ADAMTS9: variants seen among roughly 807,000 people sequenced by gnomAD.
ADAMTS9 encodes ADAM metallopeptidase with thrombospondin type 1 motif 9, also known as A disintegrin and metalloproteinase with thrombospondin motifs 9.
ADAMTS9 carries 107 observed loss-of-function variants against 257.1 expected under a neutral mutation model. The ratio of observed to expected loss-of-function variants is 0.42; its 90% confidence interval spans 0.36 to 0.49. The LOEUF (loss-of-function observed/expected upper bound fraction) is 0.49. Among genes scored for constraint, ADAMTS9 ranks in the 20% least tolerant of loss-of-function variants. ADAMTS9 has a pLI of 0.03. For missense variants in ADAMTS9, 2,353 were observed against 2,469.1 expected (o/e 0.95, Z 1.00); for synonymous variants, 982 against 880.9 (o/e 1.11, Z -2.03).
chr3:64,581,377 A>C (rs577225089), intron 28 of ADAMTS9, among the ~76,000 whole-genome samples: 8 of 152,192 alleles, frequency 5.3e-5, no homozygotes, highest in Non-Finnish European at 1.2e-4. Flanking sequence ...TTTCATTTAA[A>C]ATTTTAATCT....
chr3:64,687,753 G>A lies in ADAMTS9; in HGVS notation c.-96C>T, dbSNP rs1043506333. 9 of 947,448 alleles carry A rather than the reference G, an allele frequency of 9.5e-6. No individual in the cohort carries two copies. The highest frequency in any genetic ancestry group is 1.3e-5 in the Non-Finnish European group (9 of 676,480). The allele number at this position is 947,448 out of a possible 1,614,324, so 58.7% of individuals were successfully genotyped here. A position where few individuals can be genotyped will look rare whatever the true frequency, so the allele number is the denominator to read the frequency against. On this transcript the variant is annotated 5_prime_UTR_variant, in exon 1 of 40. Coordinates refer to ENST00000498707, the MANE Select transcript of ADAMTS9 (RefSeq NM_182920.2). This position sits in a 1 kb window ranked among gnomAD's most constrained non-coding sequence, Gnocchi z 4.4. ...GCGAGGCAGCGGCCGTGGAGAGCGC[G>A]CGGAGCCCGGCGCCCGCCGCCAACT... is the stretch of plus-strand genomic sequence containing the variant.
At chr3:64,536,849 A>C (rs2083056879) in intron 37 of ADAMTS9, among the ~76,000 whole-genome samples, 1 of 152,220 alleles carries the variant, frequency 6.6e-6, no homozygotes, top group African/African-American at 2.4e-5. Flanking sequence ...GTTATGTTTC[A>C]AGATGAGGGC....
At chr3:64,565,430 T>G (rs893471212) in intron 29 of ADAMTS9, 9 of 152,194 alleles carry the variant, frequency 5.9e-5, no homozygotes, top group Non-Finnish European at 1.2e-4. Flanking sequence ...CAAGGGCTGT[T>G]AAGGAAATCA....
intron 16 of ADAMTS9, among the ~76,000 whole-genome samples, chr3:64,628,065 C>T (rs1217198668): frequency 6.6e-6 from 1 of 152,134 alleles, no homozygotes; most frequent in Non-Finnish European, 1.5e-5. Context: ...CTGTGACTTG[C>T]AATGTAGGCT....
chr3:64,597,315 C>T (rs1204709595), intron 26 of ADAMTS9, among the ~76,000 whole-genome samples: 1 of 152,182 alleles, frequency 6.6e-6, no homozygotes, highest in Non-Finnish European at 1.5e-5. Flanking sequence ...CTAAGAGGTA[C>T]AGAGGTGTTG....
chr3:64,629,455 C>A (rs1700312251), intron 16 of ADAMTS9, among the ~76,000 whole-genome samples: 1 of 152,194 alleles, frequency 6.6e-6, no homozygotes, highest in South Asian at 2.1e-4. Flanking sequence ...AGCCATACTG[C>A]CTCCGTCTTC....
chr3:64,653,595 C>T (rs73124241), intron 8 of ADAMTS9, among the ~76,000 whole-genome samples: 28,043 of 152,006 alleles, frequency 0.18, 3,571 homozygotes, highest in East Asian at 0.54. Context: ...AGTAAAGTTA[C>T]CATCTGCCAC....
At chr3:64,641,430 A>G (rs1193197820) in intron 12 of ADAMTS9, among the ~76,000 whole-genome samples, 1 of 148,766 alleles carries the variant, frequency 6.7e-6, no homozygotes, top group Non-Finnish European at 1.5e-5. Context: ...TTAACTCGTC[A>G]TTTAGCATTA....
chr3:64,615,888 A>G, intron 20 of ADAMTS9, 72 bp downstream of exon 20: 1 of 1,570,196 alleles, frequency 6.4e-7, no homozygotes. Flanking sequence ...TGGGGCTTAC[A>G]CACCTGCAAG....
chr3:64,683,965 A>G (rs1701825736), intron 2 of ADAMTS9, among the ~76,000 whole-genome samples: 1 of 152,150 alleles, frequency 6.6e-6, no homozygotes, highest in Non-Finnish European at 1.5e-5. Context: ...CTTCTGGGAA[A>G]GAAGAGATAT....
intron 20 of ADAMTS9, 111 bp from the exon 21 acceptor site, chr3:64,615,596 G>T: frequency 8.9e-7 from 1 of 1,121,452 alleles, no homozygotes; most frequent in Non-Finnish European, 1.2e-6. Flanking sequence ...ACACAAGCTG[G>T]CCAACTCTAG....
intron 28 of ADAMTS9, among the ~76,000 whole-genome samples, chr3:64,577,851 T>G (rs138695704): frequency 2.5e-4 from 38 of 152,332 alleles, no homozygotes; most frequent in African/African-American, 9.1e-4. Context: ...GAACTATCTA[T>G]GTGTCAACAA....
At chr3:64,552,162 G>A (rs1024774113) in intron 30 of ADAMTS9, among the ~76,000 whole-genome samples, 4 of 152,214 alleles carry the variant, frequency 2.6e-5, no homozygotes, top group Non-Finnish European at 4.4e-5. Flanking sequence ...GAGAGCCTAA[G>A]TTACTTGCCC....
In ADAMTS9 at chr3:64,653,296, T is replaced by C. The variant is rs183522394; in HGVS notation, c.1316+1057A>G. On this transcript the variant is annotated intron_variant, in intron 8 of 39. Transcript: ENST00000498707. Reference sequence around the variant, plus strand: ...TCAGAAACCACGAGGATAGAGACGATGCTGACTAAGCAGGTTGGGCCTGCC... The same window carrying C: ...TCAGAAACCACGAGGATAGAGACGACGCTGACTAAGCAGGTTGGGCCTGCC... Among the ~76,000 whole-genome samples, 12 of 152,328 alleles carry C rather than the reference T, an allele frequency of 7.9e-5. No homozygotes were observed. The East Asian group carries it at 2.1e-3, about 27-fold the overall frequency.
intron 18 of ADAMTS9, among the ~76,000 whole-genome samples, chr3:64,621,757 A>G (rs983998006): frequency 1.3e-5 from 2 of 150,046 alleles, no homozygotes; most frequent in Non-Finnish European, 2.9e-5. Flanking sequence ...CCAAGACTCC[A>G]TCTCAAAAAA....
intron 16 of ADAMTS9, among the ~76,000 whole-genome samples, chr3:64,625,282 G>A (rs537237034): frequency 6.6e-6 from 1 of 152,172 alleles, no homozygotes; most frequent in Admixed American, 6.5e-5. Flanking sequence ...TGGACAAGAT[G>A]TCTTAGGTAT....
At chr3:64,610,358 T>C (rs1012273246) in intron 22 of ADAMTS9, among the ~76,000 whole-genome samples, 1 of 152,112 alleles carries the variant, frequency 6.6e-6, no homozygotes, top group Non-Finnish European at 1.5e-5. Flanking sequence ...ATATCTCTGA[T>C]AAGGAATTGA....
intron 38 of ADAMTS9, among the ~76,000 whole-genome samples, chr3:64,524,783 T>C (rs968699536): frequency 2.0e-5 from 3 of 152,236 alleles, no homozygotes; most frequent in African/African-American, 4.8e-5. Flanking sequence ...CTGCGCTCCA[T>C]AGAGTCTGTC....
chr3:64,663,794 C>G (rs77676369), intron 3 of ADAMTS9, among the ~76,000 whole-genome samples: 6 of 152,064 alleles, frequency 3.9e-5, no homozygotes, highest in Non-Finnish European at 8.8e-5. Flanking sequence ...TCTTCTAAAA[C>G]AGAATGGTCC....
Sources: gnomAD v4.1 joint callset for allele counts (sites outside exome capture counted in the v4.1 genomes callset) on GRCh38, gnomAD v4.1.1 for gene constraint, Gnocchi (gnomAD v3.1) non-coding constraint, MANE v1.5 for transcripts, NCBI Gene and HGNC (gene_info 2026-07-23, HGNC 2026-07-21) for gene names.